The following FAHD2A variants were observed in gnomAD, a reference collection of about 807,000 sequenced individuals.
FAHD2A encodes the protein fumarylacetoacetate hydrolase domain containing 2A.
In FAHD2A, 27 loss-of-function variants were observed where a neutral mutation model predicts 33.4. The observed-to-expected ratio is 0.81, with a 90% confidence interval of 0.60 to 1.11. FAHD2A has a LOEUF of 1.11. FAHD2A is among the 50% of genes most tolerant of loss of function. The pLI is 0.00. For synonymous variants in FAHD2A, 130 were observed against 153.3 expected (o/e 0.85, Z 1.12); for missense variants, 296 against 395.0 (o/e 0.75, Z 2.12).
rs1230112969 is a variant in FAHD2A, at chr2:95,413,928, G to A, written c.*971G>A. ...CCACTCTATTGGGGTGGGAGCAGGG[G>A]GACAGAAGATGGTGACACTGGCTCC... On this transcript the variant is annotated 3_prime_UTR_variant, in exon 8 of 8. Transcript: ENST00000233379. 1 of 1,170,354 alleles carries A rather than the reference G, an allele frequency of 8.5e-7. No homozygotes were observed. Among genetic ancestry groups the A allele is most frequent in the Non-Finnish European group, 1.3e-6 (1 of 776,942 alleles). 72.5% of individuals were successfully genotyped at this position (1,170,354 alleles called of 1,614,324 possible). A position where few individuals can be genotyped will look rare whatever the true frequency, so the allele number is the denominator to read the frequency against.
Position 95,405,752 on chromosome 2 carries a change from C to T in FAHD2A, c.194C>T (p.Thr65Met), listed in dbSNP as rs765518122. 20 of 1,613,610 alleles carry T rather than the reference C, an allele frequency of 1.2e-5. No individual in the cohort carries two copies. Among genetic ancestry groups the T allele is most frequent in the East Asian group, 2.2e-5 (1 of 44,862 alleles). ...LNAFDPTLPK[T>M]MTQFLEQGEA... The stretch of plus-strand genomic sequence containing the variant: ...GCCTTTGACCCCACACTCCCGAAGA[C>T]GATGACGCAGTTCCTAGAGCAGGGA... Residue 65 changes from threonine (T) to methionine (M), a missense_variant, in exon 2 of 8, where the codon ACG (threonine) becomes ATG (methionine). Physicochemically the swap from Thr to Met is moderately conservative, Grantham distance 81. Transcript: ENST00000233379.
At chr2:95,408,234 T>A (rs190036289) in intron 3 of FAHD2A, among the ~76,000 whole-genome samples, 1 of 152,230 alleles carries the variant, frequency 6.6e-6, no homozygotes, top group East Asian at 1.9e-4. Context: ...GAAATCCAAT[T>A]GCCCCAATTC....
rs1412072440 is a variant in FAHD2A, at chr2:95,411,040, C to G, written c.685+14C>G. 6.2e-7 allele frequency: 1 copy of G among 1,613,416 alleles called. No individual in the cohort carries two copies. Among genetic ancestry groups the G allele is most frequent in the Non-Finnish European group, 8.5e-7 (1 of 1,179,644 alleles). ...ACAGTGTAGCAGGTAGGTCCCTGGT[C>G]CCTGCCCCCTTATACCTACCATTGC... On this transcript the variant is annotated intron_variant, in intron 5 of 7. Transcript: ENST00000233379.
At chr2:95,410,002 A>G (rs1682212727) in intron 3 of FAHD2A, among the ~76,000 whole-genome samples, 1 of 152,210 alleles carries the variant, frequency 6.6e-6, no homozygotes, top group Non-Finnish European at 1.5e-5. Flanking sequence ...AAGAGCCACC[A>G]ATTTTAAAGG....
At position 95,413,327 on chromosome 2, in the gene FAHD2A, A is replaced by T. The variant is rs556660775; in HGVS notation, c.*370A>T. The T allele has an allele frequency of 1.4e-5, 20 of 1,465,204 alleles. No individual in the cohort carries two copies. The African/African-American group carries it at 2.8e-4, about 21-fold the overall frequency. 90.8% of individuals were successfully genotyped at this position (1,465,204 alleles called of 1,614,324 possible). On this transcript the variant is annotated 3_prime_UTR_variant, in exon 8 of 8. Coordinates refer to ENST00000233379, the MANE Select transcript of FAHD2A (RefSeq NM_016044.3). ...GGGAAAAAGCAAGAGATGGCAAGGG[A>T]CAATCAAGCCTCAATGATTATATTT...
intron 5 of FAHD2A, among the ~76,000 whole-genome samples, chr2:95,411,391 G>A (rs1682481790): frequency 1.3e-5 from 2 of 152,266 alleles, no homozygotes; most frequent in Admixed American, 6.5e-5. Flanking sequence ...TACAGGAGAT[G>A]AAAGCCAGTG....
Position 95,414,013 on chromosome 2 carries a change from A to T in FAHD2A, c.*1056A>T. 6 of 1,453,992 alleles carry T rather than the reference A, an allele frequency of 4.1e-6. No homozygotes were observed. The highest frequency in any genetic ancestry group is 5.8e-6 in the Non-Finnish European group (6 of 1,035,646). The allele number at this position is 1,453,992 out of a possible 1,614,324, so 90.1% of individuals were successfully genotyped here. On this transcript the variant is annotated 3_prime_UTR_variant, in exon 8 of 8. Transcript: ENST00000233379. ...CTGATGGCAAGCTTTGGGTCTGCACACTCTGGAAAGAAGAGAGAAGTGAAG... is the reference window on the plus strand; with the variant it reads ...CTGATGGCAAGCTTTGGGTCTGCACTCTCTGGAAAGAAGAGAGAAGTGAAG...
downstream of FAHD2A, among the ~76,000 whole-genome samples, chr2:95,418,570 G>A (rs1683271583): frequency 6.6e-6 from 1 of 151,978 alleles, no homozygotes; most frequent in Admixed American, 6.5e-5. Context: ...AAGAGCCACA[G>A]GTGTGCACAG....
chr2:95,407,259 A>G (rs1037008009), intron 3 of FAHD2A, 102 bp downstream of exon 3: 4 of 1,520,912 alleles, frequency 2.6e-6, no homozygotes, highest in East Asian at 2.3e-5. Flanking sequence ...TCAATAGCGC[A>G]TTCAGCAGAA....
Position 95,410,529 on chromosome 2 carries a change from G to C in FAHD2A, c.465G>C (p.Glu155Asp), listed in dbSNP as rs545023551. Residue 155 changes from glutamate (E) to aspartate (D), a missense_variant and splice_region_variant, in exon 4 of 8, where the codon GAG becomes GAC. By Grantham distance (45) the Glu-to-Asp change is conservative. Coordinates refer to ENST00000233379, the MANE Select transcript of FAHD2A (RefSeq NM_016044.3). ...DEVVLPPQSQ[E>D]VDWEVELAVV... The stretch of plus-strand genomic sequence containing the variant: ...ACTGTTCCTCTCCCACCCTACAGGA[G>C]GTAGATTGGGAAGTGGAGCTGGCCG... The C allele has an allele frequency of 6.2e-7, 1 of 1,609,780 alleles. No individual in the cohort carries two copies. Among genetic ancestry groups the C allele is most frequent in the Admixed American group, 1.7e-5 (1 of 59,606 alleles).
Position 95,413,263 on chromosome 2 carries a change from G to T in FAHD2A, c.*306G>T. ...AAAGATGCTGCTGGGCTGGGGAAAA[G>T]ACAATTCGTGTCGTCCCCTTGTTTA... is the stretch of plus-strand genomic sequence containing the variant. On this transcript the variant is annotated 3_prime_UTR_variant, in exon 8 of 8. Coordinates refer to ENST00000233379, the MANE Select transcript of FAHD2A (RefSeq NM_016044.3). 7.5e-7 allele frequency: 1 copy of T among 1,330,110 alleles called. No homozygotes were observed. The highest frequency in any genetic ancestry group is 1.0e-6 in the Non-Finnish European group (1 of 992,166). The allele number at this position is 1,330,110 out of a possible 1,614,324, so 82.4% of individuals were successfully genotyped here. A position where few individuals can be genotyped will look rare whatever the true frequency, so the allele number is the denominator to read the frequency against.
chr2:95,421,005 CTGTGTGTGTGTGTGTGTGTGTGTGTG>C (rs57970330), downstream of FAHD2A, among the ~76,000 whole-genome samples: 9 of 129,900 alleles, frequency 6.9e-5, no homozygotes, highest in African/African-American at 2.9e-4. Flanking sequence ...GAATGAACCT[CTGTGTGTGTGTGTGTGTGTGTGTGTG>C]TGTGTGTGTG....
downstream of FAHD2A, among the ~76,000 whole-genome samples, chr2:95,417,278 C>T (rs189039349): frequency 1.1e-3 from 171 of 152,324 alleles, no homozygotes; most frequent in African/African-American, 3.7e-3. Flanking sequence ...AGGATGCTAT[C>T]TGGCTAGGCA....
At chr2:95,408,319 C>T (rs971080147) in intron 3 of FAHD2A, among the ~76,000 whole-genome samples, 7 of 152,126 alleles carry the variant, frequency 4.6e-5, no homozygotes, top group Non-Finnish European at 1.0e-4. Context: ...CCATGATCAA[C>T]CAAGGCCACA....
intron 3 of FAHD2A, among the ~76,000 whole-genome samples, chr2:95,409,097 C>T (rs1270748721): frequency 1.3e-5 from 2 of 152,234 alleles, no homozygotes; most frequent in African/African-American, 4.8e-5. Flanking sequence ...TCGTATCCCA[C>T]TGGGAGGCTC....
downstream of FAHD2A, among the ~76,000 whole-genome samples, chr2:95,419,984 G>C (rs1376321447): frequency 6.6e-6 from 1 of 151,994 alleles, no homozygotes; most frequent in Non-Finnish European, 1.5e-5. Flanking sequence ...AAGCCCAAAG[G>C]CCTGACCACT....
At position 95,416,226 on chromosome 2, in the gene FAHD2A, C is replaced by T. The variant is rs1683157396; in HGVS notation, c.*3269C>T. 1 of 152,274 alleles carries T rather than the reference C, an allele frequency of 6.6e-6. No homozygotes were observed. Among genetic ancestry groups the T allele is most frequent in the African/African-American group, 2.4e-5 (1 of 41,458 alleles). 9.4% of individuals were successfully genotyped at this position (152,274 alleles called of 1,614,324 possible). ...TCTCTGGCTCCCCAAGCCTCCCTTT[C>T]CTACTGTTATATCCTTAAAGTGCCT... On this transcript the variant is annotated 3_prime_UTR_variant, in exon 8 of 8. Coordinates refer to ENST00000233379, the MANE Select transcript of FAHD2A (RefSeq NM_016044.3).
intron 3 of FAHD2A, among the ~76,000 whole-genome samples, chr2:95,407,750 CG>C (rs1361235077): frequency 2.6e-5 from 4 of 152,148 alleles, no homozygotes; most frequent in Non-Finnish European, 4.4e-5. Flanking sequence ...AATATGTCAG[CG>C]TATAGGCAGT....
At position 95,407,164 on chromosome 2, in the gene FAHD2A, G is replaced by T; in HGVS notation, c.462+7G>T. ...CCTCCCACCACAGAGCCAGGTCAGT[G>T]TCTCCCCACTGCCCTCCCTAGTCAC... On this transcript the variant is annotated splice_region_variant and intron_variant, in intron 3 of 7. Transcript: ENST00000233379. 1 of 1,612,044 alleles carries T rather than the reference G, an allele frequency of 6.2e-7. No individual in the cohort carries two copies. The highest frequency in any genetic ancestry group is 8.5e-7 in the Non-Finnish European group (1 of 1,179,858).
Sources: gnomAD v4.1 joint callset for allele counts (sites outside exome capture counted in the v4.1 genomes callset) on GRCh38, gnomAD v4.1.1 for gene constraint, MANE v1.5 for transcripts, NCBI Gene and HGNC (gene_info 2026-07-23, HGNC 2026-07-21) for gene names.